Variants in RWDD4 observed in about 807,000 individuals in gnomAD.
RWDD4 encodes RWD domain containing 4.
RWDD4 carries 16 observed loss-of-function variants against 30.0 expected under a neutral mutation model. The observed-to-expected ratio is 0.53, with a 90% confidence interval of 0.36 to 0.81. The LOEUF (loss-of-function observed/expected upper bound fraction) is 0.81. Ranked by LOEUF, RWDD4 falls within the 30% of genes least tolerant of loss-of-function variation. The pLI, the probability that RWDD4 is intolerant of heterozygous loss-of-function variation, is 0.00. For missense variants in RWDD4, 170 were observed against 223.9 expected (o/e 0.76, Z 1.54); for synonymous variants, 45 against 72.1 (o/e 0.62, Z 1.90).
chr4:183,656,036 T>G (rs767952280), intron 1 of RWDD4, 75 bp from the exon 2 acceptor site: 17 of 939,702 alleles, frequency 1.8e-5, no homozygotes, highest in Non-Finnish European at 2.5e-5. Context: ...ACTTTCTCAT[T>G]CAAGCCCACT....
chr4:183,645,081 C>G (rs1733942281), intron 7 of RWDD4, among the ~76,000 whole-genome samples: 1 of 152,126 alleles, frequency 6.6e-6, no homozygotes, highest in Non-Finnish European at 1.5e-5. Flanking sequence ...GCTTGGGCAA[C>G]AGAAACAGAC....
intron 4 of RWDD4, 40 bp downstream of exon 4, chr4:183,650,944 A>C: frequency 1.3e-6 from 2 of 1,586,108 alleles, no homozygotes; most frequent in Non-Finnish European, 1.7e-6. Context: ...CAAAACCAAA[A>C]CAACAAAAGA....
At chr4:183,647,075 T>C (rs1351482100) in intron 5 of RWDD4, among the ~76,000 whole-genome samples, 1 of 152,228 alleles carries the variant, frequency 6.6e-6, no homozygotes, top group East Asian at 1.9e-4. Flanking sequence ...TAACATTCTT[T>C]AAAAAGGGCT....
intron 5 of RWDD4, among the ~76,000 whole-genome samples, chr4:183,646,891 TTAAG>T (rs1197618090): frequency 2.6e-5 from 4 of 152,212 alleles, no homozygotes; most frequent in African/African-American, 9.6e-5. Context: ...CATTGCTTAT[TTAAG>T]TAATAAGTTG....
At chr4:183,643,443 A>AAAAAAAAAAAAAAAAAAC (rs1733908162) in intron 7 of RWDD4, among the ~76,000 whole-genome samples, 1 of 141,972 alleles carries the variant, frequency 7.0e-6, no homozygotes, top group South Asian at 2.3e-4. Context: ...AAAAAAAAAA[A>AAAAAAAAAAAAAAAAAAC]AAAAGCATTT....
rs1186155341 is a variant in RWDD4, at chr4:183,646,518, AG to A, written c.500del (p.Pro167LeufsTer10). 5.0e-6 allele frequency: 8 copies of A among 1,612,374 alleles called. No homozygotes were observed. The highest frequency in any genetic ancestry group is 6.8e-6 in the Non-Finnish European group (8 of 1,179,656). Reference sequence around the variant, plus strand: ...CAACATCAACCCAGTTCCAGCCTCGAGGAAGTTCTCCTTTGTGATCTAGAAG... The same window carrying A: ...CAACATCAACCCAGTTCCAGCCTCGAGAAGTTCTCCTTTGTGATCTAGAAG... ...ADKTDHKGEL[P>X]RGWNWVDVVK... On this transcript the variant is annotated frameshift_variant, in exon 6 of 8. Transcript: ENST00000326397. LOFTEE classifies it high-confidence loss of function.
chr4:183,643,650 C>T (rs1460453859), intron 7 of RWDD4, among the ~76,000 whole-genome samples: 1 of 151,940 alleles, frequency 6.6e-6, no homozygotes, highest in Non-Finnish European at 1.5e-5. Flanking sequence ...GGCATGGTGG[C>T]TCAAGCCTGT....
chr4:183,646,407 G>A, intron 6 of RWDD4, 54 bp from the exon 7 acceptor site: 1 of 1,574,446 alleles, frequency 6.4e-7, no homozygotes. Context: ...GTTGTGAAGG[G>A]GAAAACAAAA....
rs543422567 is a variant in RWDD4, at chr4:183,646,780, G to A, written c.482-243C>T. Among the ~76,000 whole-genome samples, 14 of 152,270 alleles carry A rather than the reference G, an allele frequency of 9.2e-5. No individual in the cohort carries two copies. The East Asian group carries it at 2.7e-3, about 29-fold the overall frequency. On this transcript the variant is annotated intron_variant, in intron 5 of 7. Coordinates refer to ENST00000326397, the MANE Select transcript of RWDD4 (RefSeq NM_152682.4). ...GCTATCCAAGACAAAACCTGATAAT[G>A]AGGAAAAAATATAGAGATGGGTTGG...
chr4:183,642,080 C>T (rs1733865961), intron 7 of RWDD4, among the ~76,000 whole-genome samples: 1 of 151,934 alleles, frequency 6.6e-6, no homozygotes, highest in African/African-American at 2.4e-5. Context: ...CCGCACCTGA[C>T]AACTCCAAGA....
chr4:183,655,799 TA>T lies in RWDD4; in HGVS notation c.105+81del, dbSNP rs1313869766. 11 of 795,744 alleles carry T rather than the reference TA, an allele frequency of 1.4e-5. No individual in the cohort carries two copies. In the Admixed American group the frequency reaches 2.5e-4, roughly 18 times the overall value. 49.3% of individuals were successfully genotyped at this position (795,744 alleles called of 1,614,324 possible). A position where few individuals can be genotyped will look rare whatever the true frequency, so the allele number is the denominator to read the frequency against. ...CAGACATAATAAATTTAAACAAGTT[TA>T]AAAAACAAAATAAGCATTTTTAGCC... On this transcript the variant is annotated intron_variant, in intron 2 of 7. Transcript: ENST00000326397.
In RWDD4 at chr4:183,651,244, A is replaced by G. The variant is rs1734070248; in HGVS notation, c.189T>C (p.Ser63=). The change falls in exon 3 of 8, where the codon TCT becomes TCC. Residue 63 remains serine, a synonymous_variant. Coordinates refer to ENST00000326397, the MANE Select transcript of RWDD4 (RefSeq NM_152682.4). ...TGGTGTTGTTAAAAAAAGCGTTCATAGATAGAATTGGAGGTGTTTGGGGAT... is the reference window on the plus strand; with the variant it reads ...TGGTGTTGTTAAAAAAAGCGTTCATGGATAGAATTGGAGGTGTTTGGGGAT... The part of the protein sequence containing the change: ...ETYPQTPPIL[S]MNAFFNNTIS... The G allele has an allele frequency of 6.2e-7, 1 of 1,613,542 alleles. No individual in the cohort carries two copies. Among genetic ancestry groups the G allele is most frequent in the Admixed American group, 1.7e-5 (1 of 60,014 alleles).
intron 7 of RWDD4, among the ~76,000 whole-genome samples, chr4:183,644,956 T>C (rs1425291138): frequency 6.6e-6 from 1 of 151,688 alleles, no homozygotes; most frequent in African/African-American, 2.4e-5. Flanking sequence ...AAAAATTAGT[T>C]GAGTGTGGTG....
intron 4 of RWDD4, among the ~76,000 whole-genome samples, chr4:183,649,950 T>G (rs1734043875): frequency 6.6e-6 from 1 of 152,218 alleles, no homozygotes; most frequent in Admixed American, 6.5e-5. Context: ...ACTTGACAAT[T>G]TAAACACGTC....
rs1734182751 is a variant in RWDD4, at chr4:183,655,862, T to C, written c.105+19A>G. On this transcript the variant is annotated intron_variant, in intron 2 of 7. Coordinates refer to ENST00000326397, the MANE Select transcript of RWDD4 (RefSeq NM_152682.4). ...TTTCTAGAAAAGTTCTAAGTGCTCTTATTCATGCCATGTCTTACCCTATAT... is the reference window on the plus strand; with the variant it reads ...TTTCTAGAAAAGTTCTAAGTGCTCTCATTCATGCCATGTCTTACCCTATAT... 1 of 1,525,004 alleles carries C rather than the reference T, an allele frequency of 6.6e-7. No individual in the cohort carries two copies. 94.5% of individuals were successfully genotyped at this position (1,525,004 alleles called of 1,614,324 possible).
At chr4:183,655,810 A>G in intron 2 of RWDD4, 71 bp downstream of exon 2, 1 of 864,148 alleles carries the variant, frequency 1.2e-6, no homozygotes, top group Non-Finnish European at 1.9e-6. Flanking sequence ...AAAAAACAAA[A>G]TAAGCATTTT....
chr4:183,650,893 T>C, intron 4 of RWDD4, 91 bp downstream of exon 4: 2 of 1,314,166 alleles, frequency 1.5e-6, no homozygotes, highest in South Asian at 3.2e-5. Flanking sequence ...CTTCTTCCGA[T>C]TTTGAATATA....
chr4:183,650,621 C>T (rs570134381), intron 4 of RWDD4, among the ~76,000 whole-genome samples: 57 of 152,054 alleles, frequency 3.7e-4, no homozygotes, highest in Non-Finnish European at 5.7e-4. Context: ...TGAAACAAGC[C>T]TCATGCAGAA....
chr4:183,642,990 C>T (rs568571141), intron 7 of RWDD4, among the ~76,000 whole-genome samples: 39 of 149,788 alleles, frequency 2.6e-4, no homozygotes, highest in African/African-American at 7.6e-4. Flanking sequence ...ACCCGGGAGG[C>T]GGAGATTGCA....
Sources: gnomAD v4.1 joint callset for allele counts (sites outside exome capture counted in the v4.1 genomes callset) on GRCh38, gnomAD v4.1.1 for gene constraint, MANE v1.5 for transcripts, NCBI Gene and HGNC (gene_info 2026-07-23, HGNC 2026-07-21) for gene names.